Variants in GALNT7 observed in about 807,000 individuals in gnomAD.
The protein encoded by GALNT7 is N-acetylgalactosaminyltransferase 7.
Under a neutral mutation model 82.1 loss-of-function variants are expected in GALNT7, and 60 were observed. The ratio of observed to expected loss-of-function variants is 0.73; its 90% CI spans 0.59 to 0.91. The LOEUF (loss-of-function observed/expected upper bound fraction) is 0.91, where lower values mean the gene tolerates loss of function less well. Ranked by LOEUF, GALNT7 falls within the 40% of genes least tolerant of loss-of-function variation. GALNT7 has a pLI of 0.00. For synonymous variants in GALNT7, 243 were observed against 275.1 expected (o/e 0.88, Z 1.15); for missense variants, 660 against 804.2 (o/e 0.82, Z 2.17).
At chr4:173,208,684 T>C (rs1016808455) in intron 1 of GALNT7, among the ~76,000 whole-genome samples, 3 of 152,298 alleles carry the variant, frequency 2.0e-5, no homozygotes, top group South Asian at 2.1e-4. Flanking sequence ...TTCCAGCCCG[T>C]CTCTTCCCTG....
intron 1 of GALNT7, among the ~76,000 whole-genome samples, chr4:173,178,632 C>T (rs545763067): frequency 1.3e-5 from 2 of 152,270 alleles, no homozygotes; most frequent in East Asian, 1.9e-4. Context: ...TTAAACATGC[C>T]GACAGGGAGA....
At chr4:173,289,662 T>C (rs565032664) in intron 2 of GALNT7, among the ~76,000 whole-genome samples, 100 of 152,310 alleles carry the variant, frequency 6.6e-4, no homozygotes, top group Admixed American at 3.3e-4. Flanking sequence ...CCCCATCCTC[T>C]CTGTGCCAGT....
At chr4:173,227,247 T>C (rs1733861850) in intron 1 of GALNT7, among the ~76,000 whole-genome samples, 1 of 152,218 alleles carries the variant, frequency 6.6e-6, no homozygotes, top group African/African-American at 2.4e-5. Flanking sequence ...TTGAGGAAGA[T>C]TGAACCTGGG....
intron 2 of GALNT7, among the ~76,000 whole-genome samples, chr4:173,281,778 C>A (rs1736118302): frequency 6.6e-6 from 1 of 152,210 alleles, no homozygotes; most frequent in Admixed American, 6.5e-5. Flanking sequence ...CTCCAGATTT[C>A]CTACCTCTCC....
At position 173,318,493 on chromosome 4, in the gene GALNT7, T is replaced by C. The variant is rs1737683666; in HGVS notation, c.1770T>C (p.Ala590=). The change falls in exon 11 of 12, where the codon GCT becomes GCC. Residue 590 remains alanine, a synonymous_variant. Transcript: ENST00000265000. ...MQYDQCLTKG[A]DGSKVMITHC... ...ATGACCAGTGTTTGACAAAGGGAGC[T>C]GATGGATCAAAAGTTATGATTACAC... is the stretch of plus-strand genomic sequence containing the variant. The C allele has an allele frequency of 6.3e-7, 1 of 1,586,918 alleles. No individual in the cohort carries two copies. The highest frequency in any genetic ancestry group is 8.6e-7 in the Non-Finnish European group (1 of 1,156,184).
At chr4:173,265,185 C>T (rs1175985020) in intron 2 of GALNT7, among the ~76,000 whole-genome samples, 1 of 152,192 alleles carries the variant, frequency 6.6e-6, no homozygotes, top group East Asian at 1.9e-4. Context: ...GACAGTCAGC[C>T]ATTTTATATT....
chr4:173,203,004 C>T (rs1489115098), intron 1 of GALNT7, among the ~76,000 whole-genome samples: 1 of 150,824 alleles, frequency 6.6e-6, no homozygotes, highest in East Asian at 1.9e-4. Flanking sequence ...CTTTTGATTT[C>T]AATTTTCATG....
At chr4:173,285,446 A>G (rs1328361965) in intron 2 of GALNT7, among the ~76,000 whole-genome samples, 1 of 152,250 alleles carries the variant, frequency 6.6e-6, no homozygotes, top group Non-Finnish European at 1.5e-5. Context: ...AAGGCCAAAG[A>G]AGCAGTTTGC....
At chr4:173,304,922 G>A (rs1432580772) in intron 8 of GALNT7, among the ~76,000 whole-genome samples, 1 of 151,996 alleles carries the variant, frequency 6.6e-6, no homozygotes, top group African/African-American at 2.4e-5. Context: ...CCATTCATCT[G>A]TTGATGGACA....
At chr4:173,278,898 CT>C (rs1389007336) in intron 2 of GALNT7, among the ~76,000 whole-genome samples, 1 of 152,016 alleles carries the variant, frequency 6.6e-6, no homozygotes, top group Admixed American at 6.5e-5. Flanking sequence ...TCTTTCGAAG[CT>C]TAGATTTTTT....
At chr4:173,172,859 G>C (rs748829694) in intron 1 of GALNT7, among the ~76,000 whole-genome samples, 5 of 152,182 alleles carry the variant, frequency 3.3e-5, no homozygotes, top group Admixed American at 6.5e-5. Context: ...CGTAGTCCAT[G>C]CTAAGGAGGA....
chr4:173,181,541 G>A (rs1473805804), intron 1 of GALNT7, among the ~76,000 whole-genome samples: 1 of 152,128 alleles, frequency 6.6e-6, no homozygotes, highest in Admixed American at 6.6e-5. Flanking sequence ...ATGAAATTAA[G>A]ATAACTCTAT....
intron 1 of GALNT7, among the ~76,000 whole-genome samples, chr4:173,236,102 C>CA (rs1734220839): frequency 6.6e-6 from 1 of 152,124 alleles, no homozygotes; most frequent in Non-Finnish European, 1.5e-5. Flanking sequence ...AAGGGGATCA[C>CA]AAAAATGCTT....
intron 1 of GALNT7, among the ~76,000 whole-genome samples, chr4:173,202,906 C>T (rs1732983531): frequency 6.6e-6 from 1 of 151,992 alleles, no homozygotes; most frequent in Non-Finnish European, 1.5e-5. Flanking sequence ...TCCTATACTA[C>T]TATATAATGA....
intron 1 of GALNT7, among the ~76,000 whole-genome samples, chr4:173,241,822 A>C (rs1734444838): frequency 6.6e-6 from 1 of 152,196 alleles, no homozygotes; most frequent in Non-Finnish European, 1.5e-5. Flanking sequence ...GGTGGCATTT[A>C]ATTGGCTCAA....
intron 1 of GALNT7, among the ~76,000 whole-genome samples, chr4:173,178,677 A>G (rs975487265): frequency 6.6e-6 from 1 of 152,222 alleles, no homozygotes; most frequent in Non-Finnish European, 1.5e-5. Flanking sequence ...GAACTGGTAC[A>G]CTGAAACTTG....
chr4:173,233,595 G>A (rs1372562159), intron 1 of GALNT7, among the ~76,000 whole-genome samples: 2 of 152,222 alleles, frequency 1.3e-5, no homozygotes, highest in African/African-American at 4.8e-5. Flanking sequence ...TCAGACTGCA[G>A]TGGTTGAGGA....
In GALNT7 at chr4:173,278,846, C is replaced by A. The variant is rs148497955; in HGVS notation, c.588-13262C>A. On this transcript the variant is annotated intron_variant, in intron 2 of 11. Coordinates refer to ENST00000265000, the MANE Select transcript of GALNT7 (RefSeq NM_017423.3). Reference sequence around the variant, plus strand: ...TGGGAAAGATGTTGACAAAATGGGGCATTTCCAGAGAGGGATAATGAGGAA... The same window carrying A: ...TGGGAAAGATGTTGACAAAATGGGGAATTTCCAGAGAGGGATAATGAGGAA... 6.7e-3 allele frequency among the ~76,000 whole-genome samples: 1,019 copies of A among 152,288 alleles called. 6 individuals are homozygous for A. The highest frequency in any genetic ancestry group is 0.012 in the South Asian group (57 of 4,830).
chr4:173,228,817 T>C (rs1733926722), intron 1 of GALNT7, among the ~76,000 whole-genome samples: 1 of 152,194 alleles, frequency 6.6e-6, no homozygotes, highest in African/African-American at 2.4e-5. Flanking sequence ...CTTCTTGAGG[T>C]CATCACTGCC....
Sources: allele counts gnomAD v4.1 joint callset (sites outside exome capture counted in the v4.1 genomes callset), GRCh38; gene constraint gnomAD v4.1.1; transcripts MANE v1.5; gene names NCBI Gene and HGNC (gene_info 2026-07-23, HGNC 2026-07-21).